Variants in HNRNPC observed in about 807,000 individuals in gnomAD.
HNRNPC encodes heterogeneous nuclear ribonucleoproteins C1/C2.
In HNRNPC, 3 loss-of-function variants were observed where a neutral mutation model predicts 33.2. The observed-to-expected ratio is 0.09, with a 90% CI of 0.04 to 0.23. The LOEUF (loss-of-function observed/expected upper bound fraction) is 0.23, where lower values mean the gene tolerates loss of function less well. HNRNPC is among the 10% of genes least tolerant of loss of function. HNRNPC has a pLI of 1.00. For synonymous variants in HNRNPC, 121 were observed against 126.7 expected (o/e 0.96, Z 0.30); for missense variants, 143 against 366.7 (o/e 0.39, Z 4.98).
chr14:21,221,561 G>A (rs1011779786), intron 5 of HNRNPC, among the ~76,000 whole-genome samples: 1 of 152,114 alleles, frequency 6.6e-6, no homozygotes, highest in African/African-American at 2.4e-5. Flanking sequence ...AAACGACTTA[G>A]CACAAATGGA....
At position 21,230,407 on chromosome 14, in the gene HNRNPC, TCTA is replaced by T. The variant is rs767599671; in HGVS notation, c.318-44_318-42del. The T allele has an allele frequency of 2.3e-5, 34 of 1,461,998 alleles. No individual in the cohort carries two copies. The Middle Eastern group carries it at 6.9e-4, about 30-fold the overall frequency. The allele number at this position is 1,461,998 out of a possible 1,614,324, so 90.6% of individuals were successfully genotyped here. On this transcript the variant is annotated intron_variant, in intron 4 of 8. Coordinates refer to ENST00000553300, the MANE Select transcript of HNRNPC (RefSeq NM_004500.4). ...CGAAAAGGGTTAATTTGGAAATGTT[TCTA>T]CTAATTCACAATGTCAGGTGAGGGG...
intron 2 of HNRNPC, among the ~76,000 whole-genome samples, chr14:21,253,940 C>T (rs916166509): frequency 1.3e-5 from 2 of 150,750 alleles, no homozygotes; most frequent in African/African-American, 2.5e-5. Context: ...TGTTGGCACG[C>T]ACCTATAGTC....
At chr14:21,255,838 T>C (rs962502734) in intron 2 of HNRNPC, among the ~76,000 whole-genome samples, 2 of 152,144 alleles carry the variant, frequency 1.3e-5, no homozygotes, top group African/African-American at 4.8e-5. Context: ...CTAAAGAGTA[T>C]TTAGGAGAAG....
chr14:21,229,247 G>A (rs1237544228), intron 5 of HNRNPC, among the ~76,000 whole-genome samples: 7 of 151,750 alleles, frequency 4.6e-5, no homozygotes, highest in Non-Finnish European at 8.8e-5. Flanking sequence ...AAAATTAGCC[G>A]GGTGTGGTGG....
In HNRNPC at chr14:21,245,084, C is replaced by CAA. The variant is rs71112560; in HGVS notation, c.-36-10857_-36-10856dup. 5.6e-3 allele frequency among the ~76,000 whole-genome samples: 303 copies of CAA among 53,906 alleles called. 3 individuals are homozygous for CAA. Among genetic ancestry groups the CAA allele is most frequent in the Middle Eastern group, 0.023 (2 of 86 alleles). The allele number at this position is 53,906 out of a possible 152,430, so 35.4% of individuals were successfully genotyped here. A position where few individuals can be genotyped will look rare whatever the true frequency, so the allele number is the denominator to read the frequency against. ...TGGGAGACAGAGCGAGACTCCATCT[C>CAA]AAAAAAAAAAAAAAAAAAAAAAGCA... is the stretch of plus-strand genomic sequence containing the variant. On this transcript the variant is annotated intron_variant, in intron 2 of 8. Transcript: ENST00000553300.
intron 2 of HNRNPC, among the ~76,000 whole-genome samples, chr14:21,235,172 T>G (rs906880109): frequency 6.6e-6 from 1 of 152,164 alleles, no homozygotes; most frequent in African/African-American, 2.4e-5. Flanking sequence ...AATGTTTTAT[T>G]TCATTCTTTT....
chr14:21,212,769 CCTGACCTCAG>C (rs1891758946), intron 6 of HNRNPC, among the ~76,000 whole-genome samples, 181 bp downstream of exon 6: 1 of 152,126 alleles, frequency 6.6e-6, no homozygotes, highest in South Asian at 2.1e-4. Context: ...GTCTTGAACT[CCTGACCTCAG>C]CTGATCCACC....
At chr14:21,268,028 C>G (rs2139087576) in intron 1 of HNRNPC, among the ~76,000 whole-genome samples, 1 of 152,256 alleles carries the variant, frequency 6.6e-6, no homozygotes, top group South Asian at 2.1e-4. Flanking sequence ...ATTTCTTACC[C>G]TGCAGAATGG....
intron 1 of HNRNPC, among the ~76,000 whole-genome samples, chr14:21,268,943 G>A (rs982402329): frequency 8.6e-5 from 13 of 151,898 alleles, no homozygotes; most frequent in African/African-American, 2.9e-4. Context: ...GGAGGTAATA[G>A]AAGGCATCGG....
chr14:21,225,194 GCAGATCACCTGAGGT>G (rs1276523120), intron 5 of HNRNPC, among the ~76,000 whole-genome samples: 5 of 151,904 alleles, frequency 3.3e-5, no homozygotes. Context: ...GGCGAGGTGG[GCAGATCACCTGAGGT>G]CAGGAGTTTG....
chr14:21,231,236 C>A (rs1259628620), intron 3 of HNRNPC, 164 bp from the exon 4 acceptor site: 25 of 703,390 alleles, frequency 3.6e-5, no homozygotes, highest in Non-Finnish European at 6.0e-5. Context: ...CCGGTTCAAG[C>A]GATTCTCCTG....
At chr14:21,246,151 AAT>A (rs1296572573) in intron 2 of HNRNPC, among the ~76,000 whole-genome samples, 1 of 152,112 alleles carries the variant, frequency 6.6e-6, no homozygotes, top group African/African-American at 2.4e-5. Flanking sequence ...AAGGGGCCAT[AAT>A]ATATGTGGTC....
At chr14:21,230,659 A>ACTT (rs1894010381) in intron 4 of HNRNPC, 1 of 494,158 alleles carries the variant, frequency 2.0e-6, no homozygotes, top group Non-Finnish European at 3.6e-6. Flanking sequence ...CTTATACCAC[A>ACTT]CTTCTACCCT....
rs71419112 is a variant in HNRNPC at position 21,226,878 on chromosome 14, C to CAAAA, written c.365+3437_365+3440dup. Among the ~76,000 whole-genome samples, 4 of 39,032 alleles carry CAAAA rather than the reference C, an allele frequency of 1.0e-4. 1 individual carries two copies. The highest frequency in any genetic ancestry group is 2.8e-3 in the East Asian group (2 of 714). 25.6% of individuals were successfully genotyped at this position (39,032 alleles called of 152,430 possible). On this transcript the variant is annotated intron_variant, in intron 5 of 8. Coordinates refer to ENST00000553300, the MANE Select transcript of HNRNPC (RefSeq NM_004500.4). ...CTGAGTGCCAGAAAAGACTCCATCT[C>CAAAA]AAAAAAAAAAAAAAAAAGGGGGGGG...
At chr14:21,222,649 T>C (rs934425337) in intron 5 of HNRNPC, among the ~76,000 whole-genome samples, 24 of 152,248 alleles carry the variant, frequency 1.6e-4, no homozygotes, top group African/African-American at 5.8e-4. Flanking sequence ...TCCCAGCACT[T>C]TGGGAGGCCG....
chr14:21,229,361 A>T (rs1594240306), intron 5 of HNRNPC, among the ~76,000 whole-genome samples: 1 of 131,544 alleles, frequency 7.6e-6, no homozygotes, highest in African/African-American at 3.1e-5. Flanking sequence ...ACAGAGCGAG[A>T]CTGTCTCAAA....
chr14:21,248,792 A>G (rs182333817), intron 2 of HNRNPC, among the ~76,000 whole-genome samples: 2 of 152,370 alleles, frequency 1.3e-5, no homozygotes, highest in Admixed American at 6.5e-5. Flanking sequence ...GCATTTCCAG[A>G]AAACGGGATC....
chr14:21,220,238 G>GTTTT (rs72295427), intron 5 of HNRNPC, among the ~76,000 whole-genome samples: 11 of 139,808 alleles, frequency 7.9e-5, no homozygotes, highest in South Asian at 2.3e-4. Flanking sequence ...TCTATTTCTG[G>GTTTT]TTTTTTTTTT....
chr14:21,268,168 A>G (rs1303599057), intron 1 of HNRNPC, among the ~76,000 whole-genome samples: 1 of 152,200 alleles, frequency 6.6e-6, no homozygotes, highest in African/African-American at 2.4e-5. Context: ...CTAAAGATCT[A>G]AACAATTTTT....
Sources: gnomAD v4.1 joint callset for allele counts (sites outside exome capture counted in the v4.1 genomes callset) on GRCh38, gnomAD v4.1.1 for gene constraint, MANE v1.5 for transcripts, NCBI Gene and HGNC (gene_info 2026-07-23, HGNC 2026-07-21) for gene names.